GPHN: variants seen among roughly 807,000 people sequenced by gnomAD.
GPHN encodes the protein gephyrin.
A neutral mutation model predicts 95.5 loss-of-function variants in GPHN; 17 were observed. The ratio of observed to expected loss-of-function variants is 0.18; its 90% CI spans 0.12 to 0.27. GPHN has a LOEUF of 0.27. Ranked by LOEUF, GPHN falls within the 10% of genes least tolerant of loss-of-function variation. The probability of loss-of-function intolerance (pLI) is 1.00; values close to 1 mark genes in which losing one functional copy is unlikely to be tolerated. For synonymous variants in GPHN, 320 were observed against 322.5 expected (o/e 0.99, Z 0.08); for missense variants, 660 against 978.1 (o/e 0.67, Z 4.34).
At chr14:66,963,087 A>G in intron 8 of GPHN, among the ~76,000 whole-genome samples, 1 of 151,888 alleles carries the variant, frequency 6.6e-6, no homozygotes, top group East Asian at 1.9e-4. Flanking sequence ...TCTTTCACAT[A>G]TTCTCTGCAG....
At chr14:67,088,373 A>G (rs370988769) in intron 11 of GPHN, among the ~76,000 whole-genome samples, 4 of 152,340 alleles carry the variant, frequency 2.6e-5, no homozygotes, top group South Asian at 4.1e-4. Context: ...AGTTAAGACT[A>G]TATGCTGCAG....
intron 4 of GPHN, among the ~76,000 whole-genome samples, chr14:66,874,233 C>G (rs559234519): frequency 5.3e-5 from 8 of 152,292 alleles, no homozygotes; most frequent in Admixed American, 1.3e-4. Context: ...GATTTCCACA[C>G]AGAAACCCCA....
chr14:66,720,099 G>C (rs763962524), intron 2 of GPHN, among the ~76,000 whole-genome samples: 1 of 152,036 alleles, frequency 6.6e-6, no homozygotes, highest in Non-Finnish European at 1.5e-5. Flanking sequence ...CTGCTCAATG[G>C]ATCATTATAT....
At chr14:66,824,432 G>T (rs779754996) in intron 3 of GPHN, 42 bp from the exon 4 acceptor site, 11 of 1,016,500 alleles carry the variant, frequency 1.1e-5, no homozygotes, top group Non-Finnish European at 1.7e-5. Context: ...GAGCAAGCAG[G>T]CAAATTTTTC....
rs527325201 is a variant in GPHN at position 67,128,792 on chromosome 14, G to A, written c.1748+6415G>A. Among the ~76,000 whole-genome samples the A allele has an allele frequency of 2.1e-4, 32 of 151,856 alleles. No individual in the cohort carries two copies. The South Asian group carries it at 6.0e-3, about 29-fold the overall frequency. On this transcript the variant is annotated intron_variant, in intron 17 of 22. Transcript: ENST00000478722. ...TCTACTAAAAATACAAAAATTAGCC[G>A]GGCGTGGCGGTGGGCGCTTCTAATT...
At chr14:67,643,215 T>C in the GPHN span, among the ~76,000 whole-genome samples, 1 of 152,250 alleles carries the variant, frequency 6.6e-6, no homozygotes, top group Non-Finnish European at 1.5e-5. Flanking sequence ...GTTCTGATAT[T>C]TTCTCAGCAG....
chr14:67,221,209 C>T, the GPHN span, among the ~76,000 whole-genome samples: 1 of 152,172 alleles, frequency 6.6e-6, no homozygotes, highest in African/African-American at 2.4e-5. Flanking sequence ...TATCCAACAA[C>T]CATAAGAAAT....
chr14:67,497,830 G>T, the GPHN span, among the ~76,000 whole-genome samples: 2 of 152,020 alleles, frequency 1.3e-5, no homozygotes, highest in East Asian at 3.9e-4. Context: ...TATCTTGTGG[G>T]TGTTTGTGTA....
chr14:67,180,956 A>G lies in GPHN; in HGVS notation c.*19A>G, dbSNP rs1326571695. 1 of 1,613,338 alleles carries G rather than the reference A, an allele frequency of 6.2e-7. No individual in the cohort carries two copies. The highest frequency in any genetic ancestry group is 8.5e-7 in the Non-Finnish European group (1 of 1,179,388). On this transcript the variant is annotated 3_prime_UTR_variant, in exon 23 of 23. Transcript: ENST00000478722. The stretch of plus-strand genomic sequence containing the variant: ...GCTATGATGGTCACCAGCAGGAGAA[A>G]GCTTTGATGCATGTCCACATATCAT...
intron 9 of GPHN, among the ~76,000 whole-genome samples, chr14:66,973,596 A>G (rs1208674661): frequency 6.6e-6 from 1 of 152,122 alleles, no homozygotes; most frequent in Non-Finnish European, 1.5e-5. Context: ...TGTCTCTACT[A>G]AAAATACAAA....
At chr14:67,041,797 T>A (rs1053966860) in intron 10 of GPHN, among the ~76,000 whole-genome samples, 5 of 152,230 alleles carry the variant, frequency 3.3e-5, no homozygotes, top group Admixed American at 2.0e-4. Context: ...CGCCACACTG[T>A]CTTCCACAAT....
intron 17 of GPHN, among the ~76,000 whole-genome samples, chr14:67,132,093 C>T (rs1374761309): frequency 6.6e-6 from 1 of 152,114 alleles, no homozygotes; most frequent in Non-Finnish European, 1.5e-5. Flanking sequence ...CTTGCTGCTG[C>T]GAATTTGTGA....
intron 4 of GPHN, among the ~76,000 whole-genome samples, chr14:66,827,946 G>C (rs1396267110): frequency 6.6e-6 from 1 of 151,770 alleles, no homozygotes; most frequent in East Asian, 1.9e-4. Context: ...AAGTTTTTCA[G>C]TTATTTGAAA....
At chr14:67,213,294 C>A in the GPHN span, among the ~76,000 whole-genome samples, 21 of 144,802 alleles carry the variant, frequency 1.5e-4, no homozygotes, top group African/African-American at 4.8e-4. Context: ...AGGTATATCT[C>A]CTAAGGCTAT....
intron 1 of GPHN, among the ~76,000 whole-genome samples, chr14:66,643,211 C>G (rs1223062251): frequency 1.3e-5 from 2 of 152,032 alleles, no homozygotes; most frequent in Non-Finnish European, 2.9e-5. Context: ...CAAAATATTT[C>G]TACACACCCA....
chr14:67,355,531 TA>T, the GPHN span, among the ~76,000 whole-genome samples: 2 of 131,606 alleles, frequency 1.5e-5, no homozygotes, highest in Non-Finnish European at 3.2e-5. Flanking sequence ...ACAATAAAAT[TA>T]AAATAAGGAA....
chr14:67,476,101 C>T, the GPHN span, among the ~76,000 whole-genome samples: 5,683 of 152,286 alleles, frequency 0.037, 114 homozygotes, highest in Middle Eastern at 0.051. Flanking sequence ...ACATCTCTGT[C>T]GATCCCCTCT....
Position 66,564,568 on chromosome 14 carries a change from G to C in GPHN, c.64+55977G>C, listed in dbSNP as rs143793999. On this transcript the variant is annotated intron_variant, in intron 1 of 22. Transcript: ENST00000478722. ...ACTAGCCAATGATTGAAAGCAAGGA[G>C]TAGGAGGTATTTAAAGTATAGTCTT... Among the ~76,000 whole-genome samples the C allele has an allele frequency of 2.8e-3, 432 of 152,286 alleles. 2 individuals carry two copies. The highest frequency in any genetic ancestry group is 0.01 in the African/African-American group (418 of 41,568).
chr14:66,833,770 A>T (rs145053515), intron 4 of GPHN, among the ~76,000 whole-genome samples: 71 of 152,152 alleles, frequency 4.7e-4, no homozygotes, highest in Admixed American at 3.6e-3. Context: ...AATTTTGTTG[A>T]TTTGTTGTCT....
Sources: gnomAD v4.1 joint callset for allele counts (sites outside exome capture counted in the v4.1 genomes callset) on GRCh38, gnomAD v4.1.1 for gene constraint, MANE v1.5 for transcripts, NCBI Gene and HGNC (gene_info 2026-07-23, HGNC 2026-07-21) for gene names.